BMERB1: variants seen among roughly 807,000 people sequenced by gnomAD.
BMERB1 encodes the protein bMERB domain containing 1.
A neutral mutation model predicts 23.6 loss-of-function variants in BMERB1; 12 were observed. That is an observed-to-expected ratio of 0.51 (90% CI 0.33 to 0.82). The LOEUF (loss-of-function observed/expected upper bound fraction) is 0.82, where lower values mean the gene tolerates loss of function less well. Among genes scored for constraint, BMERB1 ranks in the 40% least tolerant of loss-of-function variants. The probability of loss-of-function intolerance (pLI) is 0.03; values close to 1 mark genes in which losing one functional copy is unlikely to be tolerated. For synonymous variants in BMERB1, 122 were observed against 96.6 expected, an observed-to-expected ratio of 1.26 and a Z score of -1.54; for missense variants, 247 against 255.4, an observed-to-expected ratio of 0.97 and a Z score of 0.22.
chr16:15,556,999 A>T (rs2030279297), intron 2 of BMERB1, among the ~76,000 whole-genome samples: 1 of 152,020 alleles, frequency 6.6e-6, no homozygotes, highest in Non-Finnish European at 1.5e-5. Context: ...CTGAAAACCT[A>T]CCTCTGCCTT....
chr16:15,501,395 C>T (rs759805867), intron 1 of BMERB1, among the ~76,000 whole-genome samples: 3 of 149,718 alleles, frequency 2.0e-5, no homozygotes, highest in Non-Finnish European at 4.4e-5. Context: ...CAGGTTCAAG[C>T]GATTCTCCTG....
In BMERB1 at chr16:15,554,705, C is replaced by T. The variant is rs577457536; in HGVS notation, c.231-13278C>T. ...TTTTTTAGATGGTGTCTCGCTCTGT[C>T]GCCCATGCTGCAGTGCAGTGGCATG... On this transcript the variant is annotated intron_variant, in intron 2 of 5. Coordinates refer to ENST00000300006, the MANE Select transcript of BMERB1 (RefSeq NM_033201.3). Among the ~76,000 whole-genome samples the T allele has an allele frequency of 2.0e-5, 3 of 149,514 alleles. No individual in the cohort carries two copies. In the South Asian group the frequency reaches 6.4e-4, roughly 32 times the overall value.
chr16:15,485,485 T>C (rs1315604470), intron 1 of BMERB1, among the ~76,000 whole-genome samples: 1 of 144,016 alleles, frequency 6.9e-6, no homozygotes, highest in Non-Finnish European at 1.5e-5. Flanking sequence ...CCATCTCGCT[T>C]GTGTAATTTC....
At chr16:15,511,626 A>G (rs1175052971) in intron 1 of BMERB1, among the ~76,000 whole-genome samples, 1 of 152,202 alleles carries the variant, frequency 6.6e-6, no homozygotes, top group Non-Finnish European at 1.5e-5. Context: ...AAAATCTTCA[A>G]TAGGCTGATG....
intron 2 of BMERB1, among the ~76,000 whole-genome samples, chr16:15,535,579 G>A (rs1228382367): frequency 6.6e-6 from 1 of 151,538 alleles, no homozygotes; most frequent in Non-Finnish European, 1.5e-5. Context: ...GAACCCAGAA[G>A]GCGGAGGTTG....
intron 5 of BMERB1, chr16:15,584,081 G>GTT (rs1450321713): frequency 1.4e-6 from 1 of 701,784 alleles, no homozygotes; most frequent in Non-Finnish European, 2.6e-6. Flanking sequence ...AGCAAAGAGG[G>GTT]TTTTATATGA....
At position 15,581,325 on chromosome 16, in the gene BMERB1, GGTTAA is replaced by G; in HGVS notation, c.415_419del (p.Leu139GlyfsTer10). ...CTGGTGGACGATGCGGAGGTCGAGCGGTTAAGGTGAGTGCACTGCGGGTACCCGAT... is the reference window on the plus strand; with the variant it reads ...CTGGTGGACGATGCGGAGGTCGAGCGGGTGAGTGCACTGCGGGTACCCGAT... On this transcript the variant is annotated frameshift_variant and splice_region_variant, in exon 4 of 6. Transcript: ENST00000300006. LOFTEE classifies it high-confidence loss of function. 6.2e-7 allele frequency: 1 copy of G among 1,613,652 alleles called. No homozygotes were observed. Among genetic ancestry groups the G allele is most frequent in the East Asian group, 2.2e-5 (1 of 44,882 alleles).
In BMERB1 at chr16:15,502,249, G is replaced by C. The variant is rs916179063; in HGVS notation, c.107-13056G>C. On this transcript the variant is annotated intron_variant, in intron 1 of 5. Coordinates refer to ENST00000300006, the MANE Select transcript of BMERB1 (RefSeq NM_033201.3). ...TCGCAGAAGTTAAAAAAATGTGCTT[G>C]AGGTGCCACTGGAGAATAACAATCA... 3.9e-6 allele frequency: 6 copies of C among 1,529,920 alleles called. No homozygotes were observed. The Admixed American group carries it at 5.9e-5, about 15-fold the overall frequency. 94.8% of individuals were successfully genotyped at this position (1,529,920 alleles called of 1,614,324 possible). A position where few individuals can be genotyped will look rare whatever the true frequency, so the allele number is the denominator to read the frequency against.
At chr16:15,541,432 T>G (rs1485932242) in intron 2 of BMERB1, among the ~76,000 whole-genome samples, 1 of 144,036 alleles carries the variant, frequency 6.9e-6, no homozygotes, top group Non-Finnish European at 1.5e-5. Context: ...TGTTTTTTTT[T>G]TTTTTTTTTT....
At chr16:15,558,498 C>T (rs1325211956) in intron 2 of BMERB1, among the ~76,000 whole-genome samples, 2 of 151,794 alleles carry the variant, frequency 1.3e-5, no homozygotes, top group Non-Finnish European at 2.9e-5. Flanking sequence ...GGCCCTCTGA[C>T]GTCAAAAGGT....
intron 2 of BMERB1, 82 bp from the exon 3 acceptor site, chr16:15,567,901 C>T: frequency 7.8e-7 from 1 of 1,288,398 alleles, no homozygotes; most frequent in Non-Finnish European, 1.1e-6. Context: ...CCTTTAATAG[C>T]TTCTTTGTGT....
intron 1 of BMERB1, among the ~76,000 whole-genome samples, chr16:15,477,589 T>TC (rs1235008076): frequency 6.6e-6 from 1 of 152,144 alleles, no homozygotes; most frequent in Non-Finnish European, 1.5e-5. Flanking sequence ...CATGATCGTG[T>TC]CACTCCACTC....
At chr16:15,436,044 CTTTAATT>C (rs1246742730) in intron 1 of BMERB1, among the ~76,000 whole-genome samples, 3 of 151,772 alleles carry the variant, frequency 2.0e-5, no homozygotes, top group African/African-American at 7.3e-5. Flanking sequence ...CTGTTTCTTT[CTTTAATT>C]TTTAAGTGCA....
At chr16:15,484,092 A>C (rs963330828) in intron 1 of BMERB1, among the ~76,000 whole-genome samples, 1 of 152,120 alleles carries the variant, frequency 6.6e-6, no homozygotes, top group Non-Finnish European at 1.5e-5. Flanking sequence ...TAACAGCCAG[A>C]TCTCTTGGGA....
intron 1 of BMERB1, among the ~76,000 whole-genome samples, chr16:15,459,713 C>T (rs2051119321): frequency 6.6e-6 from 1 of 152,154 alleles, no homozygotes; most frequent in Non-Finnish European, 1.5e-5. Context: ...AGATTCTTTA[C>T]CTTGTGGCCT....
Position 15,586,880 on chromosome 16 carries a change from C to A in BMERB1, c.*51C>A. On this transcript the variant is annotated 3_prime_UTR_variant, in exon 6 of 6. Transcript: ENST00000300006. ...TGGGGACCCCCCCCCACCCTCTTGT[C>A]TTTATAGCCCCCATTTCACCGGGGC... The A allele has an allele frequency of 8.6e-7, 1 of 1,169,360 alleles. No individual in the cohort carries two copies. The highest frequency in any genetic ancestry group is 1.2e-6 in the Non-Finnish European group (1 of 828,528). 72.4% of individuals were successfully genotyped at this position (1,169,360 alleles called of 1,614,324 possible). A position where few individuals can be genotyped will look rare whatever the true frequency, so the allele number is the denominator to read the frequency against.
chr16:15,515,189 T>C (rs560343104), intron 1 of BMERB1, 116 bp from the exon 2 acceptor site: 3 of 1,420,076 alleles, frequency 2.1e-6, no homozygotes, highest in Non-Finnish European at 2.9e-6. Context: ...GGCTGAAGTC[T>C]GTCCTCAAGG....
At chr16:15,447,067 A>G (rs765091026) in intron 1 of BMERB1, among the ~76,000 whole-genome samples, 4 of 152,176 alleles carry the variant, frequency 2.6e-5, no homozygotes, top group African/African-American at 4.8e-5. Context: ...ATCTTGGGCT[A>G]GTTACTTAAC....
intron 2 of BMERB1, among the ~76,000 whole-genome samples, chr16:15,541,599 AT>A (rs962962059): frequency 0.096 from 8,436 of 87,868 alleles, 856 homozygotes; most frequent in African/African-American, 0.32. Flanking sequence ...CTAATTTTTA[AT>A]TTTTTTTTTT....
Sources: allele counts gnomAD v4.1 joint callset (sites outside exome capture counted in the v4.1 genomes callset), GRCh38; gene constraint gnomAD v4.1.1; transcripts MANE v1.5; gene names NCBI Gene and HGNC (gene_info 2026-07-23, HGNC 2026-07-21).